Variants in WAPL observed in about 807,000 individuals in gnomAD.
WAPL encodes wings apart-like protein homolog.
A neutral mutation model predicts 121.0 loss-of-function variants in WAPL; 5 were observed. That is an observed-to-expected ratio of 0.04 (90% CI 0.02 to 0.09). The LOEUF (loss-of-function observed/expected upper bound fraction) is 0.09. WAPL is among the 10% of genes least tolerant of loss of function. The pLI is 1.00. For synonymous variants in WAPL, 480 were observed against 481.5 expected (o/e 1.00, Z 0.04); for missense variants, 999 against 1,410.8 (o/e 0.71, Z 4.68).
At chr10:86,447,423 A>G (rs940225611) in intron 15 of WAPL, among the ~76,000 whole-genome samples, 1 of 152,222 alleles carries the variant, frequency 6.6e-6, no homozygotes, top group Admixed American at 6.5e-5. Context: ...GCTTTTGAAA[A>G]GGCCAAAAAA....
At chr10:86,451,684 C>T (rs1453336679) in intron 15 of WAPL, among the ~76,000 whole-genome samples, 1 of 152,148 alleles carries the variant, frequency 6.6e-6, no homozygotes, top group Admixed American at 6.5e-5. Context: ...TGAGTCACTG[C>T]GCCCAGCCTA....
intron 4 of WAPL, among the ~76,000 whole-genome samples, chr10:86,477,363 T>C (rs957538047): frequency 6.6e-6 from 1 of 152,214 alleles, no homozygotes; most frequent in East Asian, 1.9e-4. Context: ...GTACAATATA[T>C]GTAAAAGTAT....
intron 2 of WAPL, among the ~76,000 whole-genome samples, chr10:86,507,147 C>T (rs1842367715): frequency 6.6e-6 from 1 of 151,070 alleles, no homozygotes; most frequent in African/African-American, 2.4e-5. Flanking sequence ...GCGGGCGGAT[C>T]ACCTGAGTTC....
chr10:86,505,570 A>C (rs989552070), intron 2 of WAPL, among the ~76,000 whole-genome samples: 1 of 152,150 alleles, frequency 6.6e-6, no homozygotes, highest in Admixed American at 6.5e-5. Context: ...TACAGGCATG[A>C]GCCACCGCGC....
At chr10:86,489,909 C>T (rs532798529) in intron 4 of WAPL, among the ~76,000 whole-genome samples, 6 of 142,422 alleles carry the variant, frequency 4.2e-5, no homozygotes, top group South Asian at 2.2e-4. Context: ...AAGGCTACTA[C>T]GTTAAGACAC....
At position 86,471,025 on chromosome 10, in the gene WAPL, G is replaced by A; in HGVS notation, c.2109C>T (p.Val703=). The change falls in exon 8 of 19, where the codon GTC becomes GTT. Residue 703 remains valine (V), a synonymous_variant. Transcript: ENST00000298767. ...HLRAHGMVAM[V]FKTLDDSQHH... ...GCTGGGAATCATCCAAGGTTTTAAA[G>A]ACCATTGCTACCATCCCATGTGCTC... is the stretch of plus-strand genomic sequence containing the variant. The A allele has an allele frequency of 6.2e-7, 1 of 1,613,850 alleles. No homozygotes were observed. Among genetic ancestry groups the A allele is most frequent in the Non-Finnish European group, 8.5e-7 (1 of 1,179,886 alleles).
At chr10:86,518,192 A>C in intron 1 of WAPL, 101 bp from the exon 2 acceptor site, 1 of 1,124,008 alleles carries the variant, frequency 8.9e-7, no homozygotes, top group Non-Finnish European at 1.2e-6. Flanking sequence ...ATGACTTTTG[A>C]CACTCACCAC....
intron 4 of WAPL, among the ~76,000 whole-genome samples, chr10:86,479,133 CA>C (rs1841726344): frequency 6.6e-6 from 1 of 151,832 alleles, no homozygotes; most frequent in South Asian, 2.1e-4. Flanking sequence ...AACAAAACAA[CA>C]ACAACAAAAA....
rs747480748 is a variant in WAPL at position 86,499,850 on chromosome 10, C to T, written c.1393G>A (p.Glu465Lys). ...CTTTCTACTTGACAGTCATCATCTT[C>T]ATCATCTTCGCTTTCACTGAGATCA... is the stretch of plus-strand genomic sequence containing the variant. ...FDDLSESEDD[E>K]DDDCQVERKT... Residue 465 changes from glutamate (E) to lysine (K), a missense_variant, in exon 3 of 19, where the codon GAA becomes AAA. Physicochemically the swap from Glu to Lys is moderately conservative, Grantham distance 56 (BLOSUM62 1). Transcript: ENST00000298767. 35 of 1,613,896 alleles carry T rather than the reference C, an allele frequency of 2.2e-5. No individual in the cohort carries two copies. Among genetic ancestry groups the T allele is most frequent in the Non-Finnish European group, 3.0e-5 (35 of 1,180,006 alleles).
chr10:86,442,277 C>G (rs1318618543), intron 17 of WAPL, among the ~76,000 whole-genome samples: 2 of 152,192 alleles, frequency 1.3e-5, no homozygotes, highest in African/African-American at 4.8e-5. Context: ...AGTGATCTGC[C>G]CATCTCAGCC....
At chr10:86,470,169 A>C (rs1428152798) in intron 8 of WAPL, among the ~76,000 whole-genome samples, 1 of 151,872 alleles carries the variant, frequency 6.6e-6, no homozygotes, top group Non-Finnish European at 1.5e-5. Flanking sequence ...AGTAGCTGGG[A>C]TTACAGGTGC....
intron 12 of WAPL, among the ~76,000 whole-genome samples, chr10:86,454,218 G>A (rs1197386460): frequency 3.3e-5 from 5 of 152,156 alleles, no homozygotes; most frequent in African/African-American, 4.8e-5. Context: ...TATTTCATAC[G>A]CATTAGAGCA....
At chr10:86,464,995 TTTAAAG>T (rs1262617520) in intron 9 of WAPL, among the ~76,000 whole-genome samples, 1 of 152,188 alleles carries the variant, frequency 6.6e-6, no homozygotes. Flanking sequence ...TATCTTGCTG[TTTAAAG>T]TTAAATTGCT....
intron 18 of WAPL, 25 bp downstream of exon 18, chr10:86,437,895 A>G: frequency 6.6e-7 from 1 of 1,513,810 alleles, no homozygotes; most frequent in Non-Finnish European, 9.2e-7. Context: ...TTAAAATCAT[A>G]TAAGCTGTAA....
At position 86,499,804 on chromosome 10, in the gene WAPL, G is replaced by C; in HGVS notation, c.1439C>G (p.Thr480Ser). The change falls in exon 3 of 19, where the codon ACT (threonine) becomes AGT (serine). Residue 480 changes from threonine (T) to serine (S), a missense_variant. Physicochemically the swap from Thr to Ser is moderately conservative, Grantham distance 58 (BLOSUM62 1). Coordinates refer to ENST00000298767, the MANE Select transcript of WAPL (RefSeq NM_015045.5). ...QVERKTSKKR[T>S]KTAPSPSLQP... ...CAAGGAGGGTGATGGAGCTGTTTTA[G>C]TTCTTTTTTTGCTTGTCTTTCTTTC... 6.2e-7 allele frequency: 1 copy of C among 1,613,340 alleles called. No homozygotes were observed. The highest frequency in any genetic ancestry group is 1.1e-5 in the South Asian group (1 of 90,902).
chr10:86,470,833 A>C (rs1032009349), intron 8 of WAPL, among the ~76,000 whole-genome samples, 159 bp downstream of exon 8: 2 of 152,350 alleles, frequency 1.3e-5, no homozygotes, highest in African/African-American at 2.4e-5. Flanking sequence ...TATTAAGCAA[A>C]AGCTTCTGGC....
intron 4 of WAPL, among the ~76,000 whole-genome samples, chr10:86,487,289 C>T (rs1841946875): frequency 6.6e-6 from 1 of 151,982 alleles, no homozygotes; most frequent in African/African-American, 2.4e-5. Flanking sequence ...GAAGCTGTAG[C>T]CAGAAATCAG....
chr10:86,500,788 T>A (rs1257370117), intron 2 of WAPL, 45 bp from the exon 3 acceptor site: 2 of 1,408,310 alleles, frequency 1.4e-6, no homozygotes, highest in East Asian at 2.3e-5. Context: ...GGTATCAACA[T>A]AAAAGTTAAT....
rs1842085622 is a variant in WAPL at position 86,493,319 on chromosome 10, T to C, written c.1644+3882A>G. Among the ~76,000 whole-genome samples the C allele has an allele frequency of 3.9e-5, 6 of 151,966 alleles. No homozygotes were observed. The South Asian group carries it at 1.2e-3, about 31-fold the overall frequency. ...GGCAACTTACTTTCAAATAAGACCA[T>C]ATATATATTTAATAAAATAAACTTT... On this transcript the variant is annotated intron_variant, in intron 4 of 18. Coordinates refer to ENST00000298767, the MANE Select transcript of WAPL (RefSeq NM_015045.5).
Sources: allele counts gnomAD v4.1 joint callset (sites outside exome capture counted in the v4.1 genomes callset), GRCh38; gene constraint gnomAD v4.1.1; transcripts MANE v1.5; gene names NCBI Gene and HGNC (gene_info 2026-07-23, HGNC 2026-07-21).